MATN3: variants seen among roughly 807,000 people sequenced by gnomAD.
MATN3 encodes the protein matrilin 3.
In MATN3, 48 loss-of-function variants were observed where a neutral mutation model predicts 45.3. The ratio of observed to expected loss-of-function variants is 1.06; its 90% CI spans 0.84 to 1.35. The LOEUF is 1.35. Among genes scored for constraint, MATN3 ranks in the 40% most tolerant of loss-of-function variants. The pLI is 0.00. For missense variants in MATN3, 599 were observed against 628.0 expected, an observed-to-expected ratio of 0.95 and a Z score of 0.49; for synonymous variants, 217 against 245.9, an observed-to-expected ratio of 0.88 and a Z score of 1.10.
At position 19,992,366 on chromosome 2, in the gene MATN3, T is replaced by C. The variant is rs1352472259; in HGVS notation, c.*745A>G. On this transcript the variant is annotated 3_prime_UTR_variant, in exon 8 of 8. Transcript: ENST00000407540. ...TAGATTTTGTCGATTTATAGCAATT[T>C]TATAAATATATAACTTTGTCACTTG... 6.6e-6 allele frequency: 1 copy of C among 152,150 alleles called. No individual in the cohort carries two copies. The highest frequency in any genetic ancestry group is 1.5e-5 in the Non-Finnish European group (1 of 67,990). The allele number at this position is 152,150 out of a possible 1,614,324, so 9.4% of individuals were successfully genotyped here.
At position 20,005,733 on chromosome 2, in the gene MATN3, G is replaced by T; in HGVS notation, c.790+11C>A. On this transcript the variant is annotated intron_variant, in intron 2 of 7. Transcript: ENST00000407540. ...TCCTTTCTAGTTGGAAGCAAAGACT[G>T]ACCAACTTACCACAGAAGGTTTCCT... is the stretch of plus-strand genomic sequence containing the variant. The T allele has an allele frequency of 6.4e-7, 1 of 1,574,656 alleles. No individual in the cohort carries two copies. The highest frequency in any genetic ancestry group is 1.2e-5 in the South Asian group (1 of 86,520).
chr2:19,993,735 A>G (rs917979316), intron 7 of MATN3, among the ~76,000 whole-genome samples: 1 of 152,250 alleles, frequency 6.6e-6, no homozygotes, highest in African/African-American at 2.4e-5. Context: ...ACCTACCACA[A>G]TCTAAATTCC....
intron 2 of MATN3, among the ~76,000 whole-genome samples, chr2:20,005,238 G>A (rs746900075): frequency 1.3e-5 from 2 of 152,094 alleles, no homozygotes; most frequent in Non-Finnish European, 2.9e-5. Flanking sequence ...ATGCACACTC[G>A]GGCTGACGGT....
In MATN3 at chr2:20,012,602, G is replaced by T; in HGVS notation, c.30C>A (p.Leu10=). 3 of 1,221,696 alleles carry T rather than the reference G, an allele frequency of 2.5e-6. No homozygotes were observed. Among genetic ancestry groups the T allele is most frequent in the Non-Finnish European group, 3.1e-6 (3 of 982,020 alleles). The allele number at this position is 1,221,696 out of a possible 1,614,324, so 75.7% of individuals were successfully genotyped here. The change falls in exon 1 of 8, where the codon CTC becomes CTA. Residue 10 remains leucine (L), a synonymous_variant. Coordinates refer to ENST00000407540, the MANE Select transcript of MATN3 (RefSeq NM_002381.5). The surrounding 1 kb of genome is among the most constrained non-coding windows in gnomAD (Gnocchi z 4.3). ...GCCAGAGCAGCAGGAGGAGTCCCGG[G>T]AGGCGGCGCGCGGGGGCCGGGCGCG... The part of the protein sequence containing the change: MPRPAPARR[L]PGLLLLLWPL...
rs1330424840 is a variant in MATN3 at position 19,992,813 on chromosome 2, CAATT to C, written c.*294_*297del. 1 of 322,960 alleles carries C rather than the reference CAATT, an allele frequency of 3.1e-6. No homozygotes were observed. The highest frequency in any genetic ancestry group is 8.5e-4 in the Middle Eastern group (1 of 1,180). The allele number at this position is 322,960 out of a possible 1,614,324, so 20.0% of individuals were successfully genotyped here. On this transcript the variant is annotated 3_prime_UTR_variant, in exon 8 of 8. Coordinates refer to ENST00000407540, the MANE Select transcript of MATN3 (RefSeq NM_002381.5). ...ATAAACATTTAAAAATTAAATGGCT[CAATT>C]AGTAGATAAAGAAACACTAAACTTT... is the stretch of plus-strand genomic sequence containing the variant.
chr2:20,009,532 G>C (rs1230657813), intron 1 of MATN3, among the ~76,000 whole-genome samples: 2 of 152,112 alleles, frequency 1.3e-5, no homozygotes, highest in African/African-American at 2.4e-5. Flanking sequence ...TAATCTATGT[G>C]GGGCTTAAAA....
chr2:19,997,446 G>A (rs1672898479), intron 5 of MATN3, 187 bp from the exon 6 acceptor site: 1 of 539,202 alleles, frequency 1.9e-6, no homozygotes, highest in Admixed American at 3.4e-5. Flanking sequence ...TCATCCCTTT[G>A]GCCTCACATC....
chr2:20,011,457 C>A (rs1393125673), intron 1 of MATN3, among the ~76,000 whole-genome samples: 1 of 152,186 alleles, frequency 6.6e-6, no homozygotes, highest in Non-Finnish European at 1.5e-5. Flanking sequence ...AGGAAAGAGT[C>A]CCTTGAGCTC....
At chr2:20,004,768 G>A (rs2103483429) in intron 2 of MATN3, among the ~76,000 whole-genome samples, 1 of 152,200 alleles carries the variant, frequency 6.6e-6, no homozygotes, top group East Asian at 1.9e-4. Flanking sequence ...TATCATCAGA[G>A]ATCAATAAAT....
At chr2:20,010,466 G>A (rs1277942047) in intron 1 of MATN3, among the ~76,000 whole-genome samples, 2 of 132,954 alleles carry the variant, frequency 1.5e-5, no homozygotes, top group Non-Finnish European at 3.4e-5. Flanking sequence ...GACTTTGCAG[G>A]TGTGATTAAG....
chr2:19,994,251 A>G (rs777773696), intron 7 of MATN3, 48 bp downstream of exon 7: 1 of 1,228,902 alleles, frequency 8.1e-7, no homozygotes, highest in Non-Finnish European at 1.2e-6. Flanking sequence ...CGATCGTAGT[A>G]CCTTGGTTGG....
chr2:20,011,505 A>G (rs1673219252), intron 1 of MATN3, among the ~76,000 whole-genome samples: 2 of 152,260 alleles, frequency 1.3e-5, no homozygotes, highest in African/African-American at 2.4e-5. Context: ...AAGGGGATAG[A>G]CAATTGAAAT....
chr2:19,994,333 C>T lies in MATN3; in HGVS notation c.1371G>A (p.Lys457=), dbSNP rs976897423. The change falls in exon 7 of 8, where the codon AAG becomes AAA. Residue 457 remains lysine (K), a synonymous_variant. Transcript: ENST00000407540. ...GCEATLAFQD[K]VSSYLQRLNT... ...TCAGTCTTTGAAGATACGAGCTGAC[C>T]TTGTCCTGGAATGCCAGTGTAGCTT... is the stretch of plus-strand genomic sequence containing the variant. 3 of 1,613,412 alleles carry T rather than the reference C, an allele frequency of 1.9e-6. No homozygotes were observed. In the East Asian group the frequency reaches 6.7e-5, roughly 36 times the overall value.
chr2:19,992,435 T>G lies in MATN3; in HGVS notation c.*676A>C, dbSNP rs1370075972. ...TAAAGTGAATTTGGGATTTTTGTACTTGGTAAAAAGTTTAACACCCTAAAT... is the reference window on the plus strand; with the variant it reads ...TAAAGTGAATTTGGGATTTTTGTACGTGGTAAAAAGTTTAACACCCTAAAT... On this transcript the variant is annotated 3_prime_UTR_variant, in exon 8 of 8. Transcript: ENST00000407540. The G allele has an allele frequency of 1.3e-5, 2 of 152,182 alleles. No individual in the cohort carries two copies. The highest frequency in any genetic ancestry group is 4.8e-5 in the African/African-American group (2 of 41,446). 9.4% of individuals were successfully genotyped at this position (152,182 alleles called of 1,614,324 possible).
At position 20,006,001 on chromosome 2, in the gene MATN3, G is replaced by A. The variant is rs1335792423; in HGVS notation, c.533C>T (p.Ala178Val). 1.1e-5 allele frequency: 18 copies of A among 1,614,010 alleles called. No individual in the cohort carries two copies. The highest frequency in any genetic ancestry group is 3.4e-6 in the Non-Finnish European group (4 of 1,179,894). The change falls in exon 2 of 8, where the codon GCA becomes GTA. Residue 178 changes from alanine (A) to valine (V), a missense_variant. Coordinates refer to ENST00000407540, the MANE Select transcript of MATN3 (RefSeq NM_002381.5). ...GTTAGAAGAGGGCTCTCGAGCCCCT[G>A]CCTCCACTGTGAAGGCTTCGTCCAT... ...TAMDEAFTVEAGAREPSSNIP... is the reference protein window; with the variant it reads ...TAMDEAFTVEVGAREPSSNIP...
intron 6 of MATN3, among the ~76,000 whole-genome samples, chr2:19,996,693 G>C (rs1672875477): frequency 6.6e-6 from 1 of 152,142 alleles, no homozygotes; most frequent in Non-Finnish European, 1.5e-5. Context: ...AGTTACCATG[G>C]GCTGAGGGGA....
chr2:20,000,433 G>A lies in MATN3; in HGVS notation c.1168+8C>T. 1 of 1,598,274 alleles carries A rather than the reference G, an allele frequency of 6.3e-7. No individual in the cohort carries two copies. The highest frequency in any genetic ancestry group is 8.5e-7 in the Non-Finnish European group (1 of 1,174,654). On this transcript the variant is annotated splice_region_variant and intron_variant, in intron 5 of 7. Transcript: ENST00000407540. ...CAAGTATGAAAGAATTTTTTGAGTG[G>A]ATCTTACCTGAACATGTTTTTTTAT...
chr2:19,994,549 GAACA>G, intron 6 of MATN3, 140 bp from the exon 7 acceptor site: 1 of 588,320 alleles, frequency 1.7e-6, no homozygotes, highest in East Asian at 3.2e-5. Context: ...AGGGATAGAT[GAACA>G]AACAAAAAGA....
chr2:20,012,543 G>T lies in MATN3; in HGVS notation c.89C>A (p.Pro30His), dbSNP rs1246259214. ...LLLLPSAAPD[P>H]VARPGFRRLE... is the part of the protein sequence containing the mutation. ...CCTCCGGAAGCCCGGGCGGGCCACG[G>T]GGTCGGGGGCGGCGGAGGGCAGCAG... The change falls in exon 1 of 8, where the codon CCC becomes CAC. Residue 30 changes from proline to histidine, a missense_variant. Physicochemically the swap from Pro to His is moderately conservative, Grantham distance 77. Coordinates refer to ENST00000407540, the MANE Select transcript of MATN3 (RefSeq NM_002381.5). The surrounding 1 kb of genome is among the most constrained non-coding windows in gnomAD (Gnocchi z 4.3). The T allele has an allele frequency of 8.2e-7, 1 of 1,226,914 alleles. No individual in the cohort carries two copies. The highest frequency in any genetic ancestry group is 1.0e-6 in the Non-Finnish European group (1 of 985,156). 76.0% of individuals were successfully genotyped at this position (1,226,914 alleles called of 1,614,324 possible).
Sources: gnomAD v4.1 joint callset for allele counts (sites outside exome capture counted in the v4.1 genomes callset) on GRCh38, gnomAD v4.1.1 for gene constraint, Gnocchi (gnomAD v3.1) non-coding constraint, MANE v1.5 for transcripts, NCBI Gene and HGNC (gene_info 2026-07-23, HGNC 2026-07-21) for gene names.